The following PARD3B variants were observed in gnomAD, a reference collection of about 807,000 sequenced individuals.
The protein encoded by PARD3B is par-3 family cell polarity regulator beta, also known as partitioning defective 3 homolog B.
PARD3B carries 103 observed loss-of-function variants against 130.2 expected under a neutral mutation model. The observed-to-expected ratio is 0.79, with a 90% CI of 0.67 to 0.93. PARD3B has a LOEUF of 0.93. Among genes scored for constraint, PARD3B ranks in the 40% least tolerant of loss-of-function variants. The pLI, the probability that PARD3B is intolerant of heterozygous loss-of-function variation, is 0.00. For synonymous variants in PARD3B, 583 were observed against 553.2 expected, an observed-to-expected ratio of 1.05 and a Z score of -0.76; for missense variants, 1,609 against 1,499.2, an observed-to-expected ratio of 1.07 and a Z score of -1.21.
At chr2:204,917,181 G>T (rs1234072212) in intron 2 of PARD3B, among the ~76,000 whole-genome samples, 1 of 152,292 alleles carries the variant, frequency 6.6e-6, no homozygotes, top group Admixed American at 6.5e-5. Flanking sequence ...GGGAGCTAAT[G>T]AGGAGTTGGT....
intron 3 of PARD3B, among the ~76,000 whole-genome samples, chr2:205,039,909 G>C (rs935318586): frequency 6.6e-6 from 1 of 152,144 alleles, no homozygotes; most frequent in Admixed American, 6.5e-5. Context: ...TAGAAATAAA[G>C]TTCAAAAGAT....
intron 19 of PARD3B, among the ~76,000 whole-genome samples, chr2:205,434,324 A>C (rs960170121): frequency 6.6e-6 from 1 of 152,150 alleles, no homozygotes; most frequent in Admixed American, 6.5e-5. Context: ...GTCTCCCTTG[A>C]TAGTAAGTCA....
intron 1 of PARD3B, among the ~76,000 whole-genome samples, chr2:204,599,473 C>G (rs1250198778): frequency 1.3e-5 from 2 of 151,860 alleles, no homozygotes; most frequent in African/African-American, 4.8e-5. Context: ...TTTCACTTAA[C>G]CTGGTATCCT....
At position 205,585,762 on chromosome 2, in the gene PARD3B, AC is replaced by A. The variant is rs1179847296; in HGVS notation, c.3261-29692del. Among the ~76,000 whole-genome samples, 3 of 151,138 alleles carry A rather than the reference AC, an allele frequency of 2.0e-5. No homozygotes were observed. Among genetic ancestry groups the A allele is most frequent in the Non-Finnish European group, 2.9e-5 (2 of 67,826 alleles). Reference sequence around the variant, plus strand: ...ATCAGGAGTCAGCTGTTTCTCCCCCACCACATTTCAGGAAGGGCTTTGAACT... The same window carrying A: ...ATCAGGAGTCAGCTGTTTCTCCCCCACACATTTCAGGAAGGGCTTTGAACT... On this transcript the variant is annotated intron_variant, in intron 22 of 22. Coordinates refer to ENST00000406610, the MANE Select transcript of PARD3B (RefSeq NM_001302769.2). This position sits in a 1 kb window ranked among gnomAD's most constrained non-coding sequence, Gnocchi z 5.4.
chr2:204,800,329 A>G (rs749643286), intron 2 of PARD3B, among the ~76,000 whole-genome samples: 8 of 152,114 alleles, frequency 5.3e-5, no homozygotes, highest in Admixed American at 5.2e-4. Flanking sequence ...TAAAAATACA[A>G]AGTTGGAAGA....
intron 16 of PARD3B, among the ~76,000 whole-genome samples, chr2:205,284,789 G>C (rs2041325713): frequency 6.6e-6 from 1 of 152,020 alleles, no homozygotes; most frequent in Non-Finnish European, 1.5e-5. Flanking sequence ...GCAGAGGCTT[G>C]TAATTGGTCT....
intron 18 of PARD3B, among the ~76,000 whole-genome samples, chr2:205,362,088 G>T (rs1277094215): frequency 6.6e-6 from 1 of 152,082 alleles, no homozygotes; most frequent in Admixed American, 6.6e-5. Context: ...ATAGCCCTGG[G>T]CTTGTTTGCA....
At chr2:204,938,292 G>A (rs1185842599) in intron 2 of PARD3B, among the ~76,000 whole-genome samples, 3 of 152,146 alleles carry the variant, frequency 2.0e-5, no homozygotes, top group African/African-American at 7.2e-5. Flanking sequence ...CCCCTGCATA[G>A]CTTACGCACT....
At chr2:205,392,346 G>T (rs1242534130) in intron 18 of PARD3B, among the ~76,000 whole-genome samples, 1 of 152,090 alleles carries the variant, frequency 6.6e-6, no homozygotes, top group Non-Finnish European at 1.5e-5. Context: ...CAATTTCAGG[G>T]CCACATTCTA....
chr2:205,082,156 A>T (rs554391108), intron 4 of PARD3B, among the ~76,000 whole-genome samples: 5 of 152,306 alleles, frequency 3.3e-5, no homozygotes, highest in African/African-American at 1.2e-4. Flanking sequence ...TGGCATAAAT[A>T]ATAGAATTCC....
chr2:204,667,271 C>T (rs977355958), intron 1 of PARD3B, among the ~76,000 whole-genome samples: 5 of 152,280 alleles, frequency 3.3e-5, no homozygotes, highest in South Asian at 2.1e-4. Context: ...AGCTCAGTGC[C>T]TCTGCATAGA....
At chr2:205,485,602 A>T (rs2049407967) in intron 20 of PARD3B, among the ~76,000 whole-genome samples, 1 of 152,162 alleles carries the variant, frequency 6.6e-6, no homozygotes, top group African/African-American at 2.4e-5. Context: ...TATGAAGCAG[A>T]ACTCTGAGGA....
intron 2 of PARD3B, among the ~76,000 whole-genome samples, chr2:204,892,004 A>G (rs548891188): frequency 1.3e-5 from 2 of 152,324 alleles, no homozygotes; most frequent in South Asian, 2.1e-4. Flanking sequence ...ACACATATGT[A>G]TTGAGTGCTT....
chr2:204,733,700 C>T (rs1027610959), intron 2 of PARD3B, among the ~76,000 whole-genome samples: 1 of 151,972 alleles, frequency 6.6e-6, no homozygotes, highest in Admixed American at 6.6e-5. Context: ...GAAGATAGAT[C>T]AATAACTTGA....
intron 20 of PARD3B, among the ~76,000 whole-genome samples, chr2:205,475,928 T>C (rs2049006788): frequency 6.6e-6 from 1 of 152,196 alleles, no homozygotes; most frequent in African/African-American, 2.4e-5. Context: ...AACTCCATGA[T>C]ATGACAAGCT....
At chr2:205,032,963 T>C (rs1254260327) in intron 3 of PARD3B, among the ~76,000 whole-genome samples, 1 of 152,234 alleles carries the variant, frequency 6.6e-6, no homozygotes, top group Non-Finnish European at 1.5e-5. Context: ...TACTTTGATG[T>C]TGCAGTAATT....
chr2:205,077,272 C>T (rs963791932), intron 4 of PARD3B, among the ~76,000 whole-genome samples: 4 of 152,116 alleles, frequency 2.6e-5, no homozygotes, highest in Non-Finnish European at 5.9e-5. Flanking sequence ...GAGCCTTGAA[C>T]AAATTACAGA....
At chr2:205,531,158 A>G (rs545425904) in intron 21 of PARD3B, among the ~76,000 whole-genome samples, 1 of 151,744 alleles carries the variant, frequency 6.6e-6, no homozygotes, top group Non-Finnish European at 1.5e-5. Context: ...TTTTCACCAT[A>G]ATTTATACTA....
chr2:205,250,484 G>T (rs760619853), intron 16 of PARD3B, among the ~76,000 whole-genome samples: 2 of 152,122 alleles, frequency 1.3e-5, no homozygotes, highest in Non-Finnish European at 2.9e-5. Flanking sequence ...GTAATGGTTG[G>T]CAGCAAGTCC....
Sources: gnomAD v4.1 joint callset for allele counts (sites outside exome capture counted in the v4.1 genomes callset) on GRCh38, gnomAD v4.1.1 for gene constraint, Gnocchi (gnomAD v3.1) non-coding constraint, MANE v1.5 for transcripts, NCBI Gene and HGNC (gene_info 2026-07-23, HGNC 2026-07-21) for gene names.